UCHL5: variants seen among roughly 807,000 people sequenced by gnomAD.
The protein encoded by UCHL5 is ubiquitin C-terminal hydrolase L5, also known as ubiquitin carboxyl-terminal hydrolase isozyme L5.
A neutral mutation model predicts 53.8 loss-of-function variants in UCHL5; 34 were observed. That is an observed-to-expected ratio of 0.63 (90% CI 0.48 to 0.84). The LOEUF (loss-of-function observed/expected upper bound fraction) is 0.84. Ranked by LOEUF, UCHL5 falls within the 40% of genes least tolerant of loss-of-function variation. The pLI is 0.00. For missense variants in UCHL5, 290 were observed against 385.6 expected (o/e 0.75, Z 2.08); for synonymous variants, 111 against 126.3 (o/e 0.88, Z 0.81).
At chr1:193,045,934 A>G (rs1431186311) in intron 3 of UCHL5, among the ~76,000 whole-genome samples, 1 of 152,228 alleles carries the variant, frequency 6.6e-6, no homozygotes, top group Admixed American at 6.5e-5. Flanking sequence ...TCTACTACGT[A>G]GATCTTAAAA....
intron 3 of UCHL5, among the ~76,000 whole-genome samples, chr1:193,035,864 A>G (rs1039457486): frequency 8.5e-5 from 13 of 152,064 alleles, no homozygotes; most frequent in African/African-American, 3.1e-4. Context: ...AAAAAGTTAA[A>G]GTGTAGAGTT....
At chr1:193,059,679 C>T (rs758305862), upstream of UCHL5, 104 of 1,366,382 alleles carry the variant, frequency 7.6e-5, no homozygotes, top group Non-Finnish European at 9.6e-5. This position sits in a 1 kb window ranked among gnomAD's most constrained non-coding sequence, Gnocchi z 4.9. Context: ...CTGTGGCTGT[C>T]GCTGCCCGTC....
In UCHL5 at chr1:193,015,155, T is replaced by G. The variant is rs1316879740; in HGVS notation, c.*1196A>C. ...CAGGTTTTTCTCCATTAGTTCTAAG[T>G]CATTTAATACCACAATTACTAAGCT... On this transcript the variant is annotated 3_prime_UTR_variant, in exon 11 of 11. Coordinates refer to ENST00000367454, the MANE Select transcript of UCHL5 (RefSeq NM_001199261.3). The G allele has an allele frequency of 1.3e-5, 2 of 152,052 alleles. No homozygotes were observed. Among genetic ancestry groups the G allele is most frequent in the African/African-American group, 4.8e-5 (2 of 41,432 alleles). 9.4% of individuals were successfully genotyped at this position (152,052 alleles called of 1,614,324 possible).
chr1:193,052,743 A>C (rs1353614076), intron 1 of UCHL5, among the ~76,000 whole-genome samples: 1 of 152,196 alleles, frequency 6.6e-6, no homozygotes. Context: ...GCACACTTTA[A>C]GGGTCCACCA....
In UCHL5 at chr1:193,013,708, T is replaced by C. The variant is rs1654479777; in HGVS notation, c.*2643A>G. 1 of 152,112 alleles carries C rather than the reference T, an allele frequency of 6.6e-6. No individual in the cohort carries two copies. The highest frequency in any genetic ancestry group is 1.9e-4 in the East Asian group (1 of 5,200). 9.4% of individuals were successfully genotyped at this position (152,112 alleles called of 1,614,324 possible). On this transcript the variant is annotated 3_prime_UTR_variant, in exon 11 of 11. Transcript: ENST00000367454. ...AAAAATATCTAAATGCATCTTGAAA[T>C]GTTAACGTTACAGGCAACTAGGAGG... is the stretch of plus-strand genomic sequence containing the variant.
In UCHL5 at chr1:193,018,227, T is replaced by C. The variant is rs990812085; in HGVS notation, c.943-1832A>G. ...AGTCATAGTAAAATGTGGACAAAATTCAATATTGTGAAGTTGTTTGGATTT... is the reference window on the plus strand; with the variant it reads ...AGTCATAGTAAAATGTGGACAAAATCCAATATTGTGAAGTTGTTTGGATTT... On this transcript the variant is annotated intron_variant, in intron 10 of 10. Transcript: ENST00000367454. Among the ~76,000 whole-genome samples the C allele has an allele frequency of 9.2e-5, 14 of 151,614 alleles. No homozygotes were observed. The South Asian group carries it at 2.3e-3, about 25-fold the overall frequency.
Position 193,047,573 on chromosome 1 carries a change from A to C in UCHL5, c.246+2173T>G, listed in dbSNP as rs569725965. ...GCAAAAGCTTTATCTCAAGGGCAGT[A>C]ATGAGAATAAGCAGTTTTATTTTCC... is the stretch of plus-strand genomic sequence containing the variant. On this transcript the variant is annotated intron_variant, in intron 3 of 10. Transcript: ENST00000367454. Among the ~76,000 whole-genome samples, 14 of 152,336 alleles carry C rather than the reference A, an allele frequency of 9.2e-5. No individual in the cohort carries two copies. In the South Asian group the frequency reaches 1.2e-3, roughly 14 times the overall value.
intron 3 of UCHL5, among the ~76,000 whole-genome samples, chr1:193,044,257 T>C (rs1011621468): frequency 6.6e-6 from 1 of 152,206 alleles, no homozygotes; most frequent in Non-Finnish European, 1.5e-5. Flanking sequence ...GCAGGAATCA[T>C]GGCACTTTTT....
At chr1:193,025,905 T>C (rs895151937) in intron 7 of UCHL5, among the ~76,000 whole-genome samples, 3 of 152,006 alleles carry the variant, frequency 2.0e-5, no homozygotes, top group Non-Finnish European at 4.4e-5. Flanking sequence ...AGACTTAGAG[T>C]TACAGTAATC....
chr1:193,043,152 A>T (rs12061262), intron 3 of UCHL5, among the ~76,000 whole-genome samples: 315 of 4,688 alleles, frequency 0.067, 24 homozygotes, highest in Middle Eastern at 0.1. Flanking sequence ...CTTGAATATT[A>T]AAAAAAAAAA....
intron 10 of UCHL5, among the ~76,000 whole-genome samples, chr1:193,016,895 G>A (rs1396041679): frequency 6.6e-6 from 1 of 151,582 alleles, no homozygotes; most frequent in East Asian, 1.9e-4. Flanking sequence ...AAAAAAAAAT[G>A]TTTTTACATA....
chr1:193,029,354 GA>G, intron 5 of UCHL5, 33 bp downstream of exon 5: 1 of 1,613,192 alleles, frequency 6.2e-7, no homozygotes, highest in Non-Finnish European at 8.5e-7. Context: ...AGCAAAGAAA[GA>G]AACAGTATTT....
intron 1 of UCHL5, among the ~76,000 whole-genome samples, chr1:193,058,705 T>C (rs1462879010): frequency 2.0e-5 from 3 of 152,230 alleles, no homozygotes; most frequent in East Asian, 3.9e-4. Context: ...CTGCTTTGAA[T>C]AACCAGAATC....
At chr1:193,020,130 A>T in intron 10 of UCHL5, 6 of 984,998 alleles carry the variant, frequency 6.1e-6, no homozygotes, top group Non-Finnish European at 6.0e-6. Context: ...GTCTTCTGCA[A>T]TAATTTTTAC....
chr1:193,014,884 T>C lies in UCHL5; in HGVS notation c.*1467A>G, dbSNP rs1285138917. On this transcript the variant is annotated 3_prime_UTR_variant, in exon 11 of 11. Coordinates refer to ENST00000367454, the MANE Select transcript of UCHL5 (RefSeq NM_001199261.3). ...ATAATCCTCACATTGCTTAACAAAA[T>C]TTAAGCCTCAATAGGAAAGAATATA... 6.6e-6 allele frequency: 1 copy of C among 152,086 alleles called. No individual in the cohort carries two copies. The highest frequency in any genetic ancestry group is 2.4e-5 in the African/African-American group (1 of 41,434). The allele number at this position is 152,086 out of a possible 1,614,324, so 9.4% of individuals were successfully genotyped here.
intron 1 of UCHL5, among the ~76,000 whole-genome samples, chr1:193,055,465 T>C (rs1264057315): frequency 6.6e-6 from 1 of 152,158 alleles, no homozygotes; most frequent in Non-Finnish European, 1.5e-5. Flanking sequence ...TGAAAATGAA[T>C]CTCCTGCTGC....
At chr1:193,020,140 C>T in intron 10 of UCHL5, 11 of 984,842 alleles carry the variant, frequency 1.1e-5, no homozygotes, top group Non-Finnish European at 1.3e-5. Context: ...ATAATTTTTA[C>T]ATTTAATGCT....
At chr1:193,029,682 T>C in intron 3 of UCHL5, 25 bp from the exon 4 acceptor site, 1 of 1,544,190 alleles carries the variant, frequency 6.5e-7, no homozygotes, top group East Asian at 2.3e-5. Flanking sequence ...AGTGAAGATA[T>C]CAATGTGTTT....
chr1:193,028,151 A>G lies in UCHL5; in HGVS notation c.566-3T>C. On this transcript the variant is annotated splice_polypyrimidine_tract_variant and splice_region_variant and intron_variant, in intron 6 of 10. Coordinates refer to ENST00000367454, the MANE Select transcript of UCHL5 (RefSeq NM_001199261.3). ...CCAATCATCTTGATTGCATGCACCTAGAAAGAAATTTTAAAACAGTTAACA... is the reference window on the plus strand; with the variant it reads ...CCAATCATCTTGATTGCATGCACCTGGAAAGAAATTTTAAAACAGTTAACA... 1.3e-6 allele frequency: 2 copies of G among 1,585,686 alleles called. No individual in the cohort carries two copies. Among genetic ancestry groups the G allele is most frequent in the Non-Finnish European group, 1.7e-6 (2 of 1,169,270 alleles).
Sources: allele counts gnomAD v4.1 joint callset (sites outside exome capture counted in the v4.1 genomes callset), GRCh38; gene constraint gnomAD v4.1.1; non-coding constraint Gnocchi (gnomAD v3.1); transcripts MANE v1.5; gene names NCBI Gene and HGNC (gene_info 2026-07-23, HGNC 2026-07-21).